The following ANK2 variants were observed in gnomAD, a reference collection of about 807,000 sequenced individuals.
ANK2 encodes the protein ankyrin-2.
ANK2 carries 83 observed loss-of-function variants against 360.5 expected under a neutral mutation model. The ratio of observed to expected loss-of-function variants is 0.23; its 90% CI spans 0.19 to 0.28. The LOEUF is 0.28. Among genes scored for constraint, ANK2 ranks in the 10% least tolerant of loss-of-function variants. ANK2 has a pLI of 1.00. For missense variants in ANK2, 4,201 were observed against 4,795.7 expected (o/e 0.88, Z 3.66); for synonymous variants, 1,740 against 1,759.5 (o/e 0.99, Z 0.28).
Position 113,356,284 on chromosome 4 carries a change from G to A in ANK2, c.7666G>A (p.Asp2556Asn). ...VSYEVTPKTT[D>N]VSTPKPAVIH... ...CTATGAGGTTACACCCAAAACCACA[G>A]ATGTAAGTACACCAAAACCAGCTGT... Residue 2556 changes from aspartate to asparagine, a missense_variant, in exon 38 of 46, where the codon GAT (aspartate) becomes AAT (asparagine). Asp to Asn is a conservative substitution (Grantham distance 23). Transcript: ENST00000357077. 1 of 1,614,134 alleles carries A rather than the reference G, an allele frequency of 6.2e-7. No individual in the cohort carries two copies. The highest frequency in any genetic ancestry group is 8.5e-7 in the Non-Finnish European group (1 of 1,180,004).
chr4:112,781,936 TCTC>T, the ANK2 span, among the ~76,000 whole-genome samples: 1 of 150,926 alleles, frequency 6.6e-6, no homozygotes, highest in Non-Finnish European at 1.5e-5. Context: ...TTCAAGTGGT[TCTC>T]CTGCCTCTGC....
At chr4:112,964,573 CTTTTTTT>C (rs1434179621) in intron 2 of ANK2, among the ~76,000 whole-genome samples, 1 of 138,798 alleles carries the variant, frequency 7.2e-6, no homozygotes, top group African/African-American at 2.6e-5. Context: ...TTTCTTTTTT[CTTTTTTT>C]TTTTTTTTGA....
chr4:112,874,395 AATT>A (rs1446832538), intron 1 of ANK2, among the ~76,000 whole-genome samples: 3 of 151,248 alleles, frequency 2.0e-5, no homozygotes, highest in South Asian at 4.2e-4. Flanking sequence ...CACTTTTAAA[AATT>A]ATTAAGCCAA....
intron 2 of ANK2, among the ~76,000 whole-genome samples, chr4:113,182,853 G>A (rs1365653483): frequency 2.0e-5 from 3 of 152,154 alleles, no homozygotes; most frequent in Non-Finnish European, 4.4e-5. Flanking sequence ...AAGAAAAGTA[G>A]CTGGAAGAGG....
chr4:113,356,327 A>G lies in ANK2; in HGVS notation c.7709A>G (p.Glu2570Gly), dbSNP rs754326118. 6.2e-7 allele frequency: 1 copy of G among 1,614,168 alleles called. No homozygotes were observed. Among genetic ancestry groups the G allele is most frequent in the African/African-American group, 1.3e-5 (1 of 75,052 alleles). Residue 2570 changes from glutamate (E) to glycine (G), a missense_variant, in exon 38 of 46, where the codon GAG becomes GGG. By Grantham distance (98) the Glu-to-Gly change is moderately conservative. This residue lies in a region of ANK2 where 2,642 missense variants were observed against 2,714.5 expected (regional missense o/e 0.97). Coordinates refer to ENST00000357077, the MANE Select transcript of ANK2 (RefSeq NM_001148.6). Reference protein sequence around the residue: ...PKPAVIHECAEEDDSENGEKK... With the variant: ...PKPAVIHECAGEDDSENGEKK... Reference sequence around the variant, plus strand: ...CCAGCTGTGATTCATGAATGTGCAGAGGAGGATGATTCAGAAAACGGGGAG... The same window carrying G: ...CCAGCTGTGATTCATGAATGTGCAGGGGAGGATGATTCAGAAAACGGGGAG...
In ANK2 at chr4:113,358,505, C is replaced by T. The variant is rs774765910; in HGVS notation, c.9887C>T (p.Pro3296Leu). Residue 3296 changes from proline (P) to leucine (L), a missense_variant, in exon 38 of 46, where the codon CCT becomes CTT. By Grantham distance (98) the Pro-to-Leu change is moderately conservative (BLOSUM62 -3). Coordinates refer to ENST00000357077, the MANE Select transcript of ANK2 (RefSeq NM_001148.6). ...CCTACTGCACCCATGGAGAATGTGC[C>T]TTTTACTGAAAGCAAATCCAAAATT... is the stretch of plus-strand genomic sequence containing the variant. ...EIPTAPMENV[P>L]FTESKSKIPV... 1.7e-5 allele frequency: 27 copies of T among 1,614,060 alleles called. No homozygotes were observed. The East Asian group carries it at 3.3e-4, about 20-fold the overall frequency.
chr4:113,187,531 T>A (rs2098553003), intron 2 of ANK2, among the ~76,000 whole-genome samples: 1 of 152,184 alleles, frequency 6.6e-6, no homozygotes, highest in Non-Finnish European at 1.5e-5. Flanking sequence ...AGTTTTGCAA[T>A]ATGCAGACAG....
chr4:113,110,923 A>G (rs1026237957), intron 1 of ANK2, among the ~76,000 whole-genome samples: 8 of 152,156 alleles, frequency 5.3e-5, no homozygotes, highest in African/African-American at 1.4e-4. Context: ...GATGTGCTCT[A>G]ATATTACATT....
the ANK2 span, among the ~76,000 whole-genome samples, chr4:112,757,747 A>C: frequency 1.3e-5 from 2 of 152,204 alleles, no homozygotes; most frequent in African/African-American, 4.8e-5. Context: ...GCTGGATTTT[A>C]GGGTGAATCT....
At chr4:113,352,299 TCTTTC>T (rs2095461735) in intron 37 of ANK2, among the ~76,000 whole-genome samples, 1 of 152,210 alleles carries the variant, frequency 6.6e-6, no homozygotes, top group African/African-American at 2.4e-5. Context: ...CTGTTGTTTT[TCTTTC>T]CTTTCCTTTA....
intron 22 of ANK2, among the ~76,000 whole-genome samples, chr4:113,300,257 G>T (rs149865686): frequency 2.0e-5 from 3 of 152,258 alleles, no homozygotes; most frequent in Admixed American, 6.5e-5. Flanking sequence ...CAGGCAAGCT[G>T]AATTTACAAC....
intron 1 of ANK2, among the ~76,000 whole-genome samples, chr4:113,092,833 G>A (rs1405027935): frequency 6.6e-6 from 1 of 152,032 alleles, no homozygotes; most frequent in Non-Finnish European, 1.5e-5. Context: ...TCTCTGGTGC[G>A]CTATATAATC....
chr4:112,856,667 G>A (rs1226259482), intron 1 of ANK2, among the ~76,000 whole-genome samples: 1 of 152,248 alleles, frequency 6.6e-6, no homozygotes, highest in African/African-American at 2.4e-5. Context: ...GGCAGAGGTT[G>A]CAGTGAGCCA....
At chr4:113,147,600 T>C (rs989766044) in intron 1 of ANK2, among the ~76,000 whole-genome samples, 2 of 152,198 alleles carry the variant, frequency 1.3e-5, no homozygotes, top group Non-Finnish European at 1.5e-5. Context: ...CTGCCCAGAA[T>C]TTTTCCACTT....
chr4:113,047,100 G>T (rs553777591), upstream of ANK2, among the ~76,000 whole-genome samples: 2 of 152,240 alleles, frequency 1.3e-5, no homozygotes, highest in Admixed American at 1.3e-4. Context: ...TCTTTTCATG[G>T]TATAATAGTT....
At chr4:113,126,295 A>G (rs1354765743) in intron 1 of ANK2, among the ~76,000 whole-genome samples, 4 of 152,242 alleles carry the variant, frequency 2.6e-5, no homozygotes, top group Admixed American at 6.5e-5. Flanking sequence ...AAAAGTCCAC[A>G]GTAAACGCTT....
At chr4:113,261,025 G>A (rs1374012679) in intron 13 of ANK2, among the ~76,000 whole-genome samples, 1 of 152,202 alleles carries the variant, frequency 6.6e-6, no homozygotes, top group Non-Finnish European at 1.5e-5. Flanking sequence ...GGAAGTCAAT[G>A]TAGCCCTGTC....
In ANK2 at chr4:113,313,476, C is replaced by T. The variant is rs188268207; in HGVS notation, c.2693+2077C>T. 7.2e-5 allele frequency among the ~76,000 whole-genome samples: 11 copies of T among 152,272 alleles called. No homozygotes were observed. In the East Asian group the frequency reaches 1.9e-3, roughly 27 times the overall value. On this transcript the variant is annotated intron_variant, in intron 24 of 45. Coordinates refer to ENST00000357077, the MANE Select transcript of ANK2 (RefSeq NM_001148.6). ...ATAAGGTCAGGGGACATGAAACAAA[C>T]AAGACATACTGTGTTCTCCAGGTCT...
chr4:113,181,526 C>A (rs1461120914), intron 2 of ANK2, among the ~76,000 whole-genome samples: 1 of 152,158 alleles, frequency 6.6e-6, no homozygotes, highest in Non-Finnish European at 1.5e-5. Flanking sequence ...GACAAAAACT[C>A]TGCTCTCATA....
Sources: gnomAD v4.1 joint callset for allele counts (sites outside exome capture counted in the v4.1 genomes callset) on GRCh38, gnomAD v4.1.1 for gene constraint, gnomAD v4.1.1 regional missense constraint, MANE v1.5 for transcripts, NCBI Gene and HGNC (gene_info 2026-07-23, HGNC 2026-07-21) for gene names.